AGMO: variants seen among roughly 807,000 people sequenced by gnomAD.
The protein encoded by AGMO is glyceryl-ether monooxygenase.
In AGMO, 75 loss-of-function variants were observed where a neutral mutation model predicts 60.2. The observed-to-expected ratio is 1.25, with a 90% confidence interval of 1.03 to 1.51. AGMO has a LOEUF of 1.51. Ranked by LOEUF, AGMO falls within the 40% of genes most tolerant of loss-of-function variation. The pLI, the probability that AGMO is intolerant of heterozygous loss-of-function variation, is 0.00. For missense variants in AGMO, 763 were observed against 525.5 expected (o/e 1.45, Z -4.42); for synonymous variants, 261 against 177.1 (o/e 1.47, Z -3.76).
At chr7:15,395,730 A>T (rs1784348182) in intron 5 of AGMO, among the ~76,000 whole-genome samples, 1 of 152,194 alleles carries the variant, frequency 6.6e-6, no homozygotes, top group East Asian at 1.9e-4. Flanking sequence ...TTAAAAATTT[A>T]AACTGCTAGT....
Position 15,406,348 on chromosome 7 carries a change from GTATA to G in AGMO, c.610-12173_610-12170del, listed in dbSNP as rs750623933. On this transcript the variant is annotated intron_variant, in intron 5 of 12. Coordinates refer to ENST00000342526, the MANE Select transcript of AGMO (RefSeq NM_001004320.2). ...ATATATGGAATATACATATATATGT[GTATA>G]TATATGTATATACACACATACATAT... Among the ~76,000 whole-genome samples the G allele has an allele frequency of 2.1e-5, 3 of 141,818 alleles. No homozygotes were observed. The South Asian group carries it at 6.6e-4, about 31-fold the overall frequency. 93.0% of individuals were successfully genotyped at this position (141,818 alleles called of 152,430 possible).
At chr7:15,396,977 C>T (rs1784414595) in intron 5 of AGMO, among the ~76,000 whole-genome samples, 1 of 152,100 alleles carries the variant, frequency 6.6e-6, no homozygotes, top group Non-Finnish European at 1.5e-5. Flanking sequence ...ATTTACAAAC[C>T]TTTAACTAGA....
At chr7:15,269,896 A>C (rs1490808837) in intron 12 of AGMO, among the ~76,000 whole-genome samples, 1 of 152,104 alleles carries the variant, frequency 6.6e-6, no homozygotes, top group African/African-American at 2.4e-5. Flanking sequence ...CTCACTAAGG[A>C]TAAGGGCCTC....
intron 3 of AGMO, among the ~76,000 whole-genome samples, chr7:15,520,109 A>G (rs1001234752): frequency 7.2e-5 from 11 of 152,302 alleles, no homozygotes; most frequent in Admixed American, 6.5e-5. Context: ...GAAGGGCATC[A>G]TATAATGGTA....
In AGMO at chr7:15,387,487, G is replaced by A. The variant is rs1243206952; in HGVS notation, c.876C>T (p.Phe292=). The A allele has an allele frequency of 6.2e-7, 1 of 1,613,860 alleles. No homozygotes were observed. Among genetic ancestry groups the A allele is most frequent in the Admixed American group, 1.7e-5 (1 of 60,010 alleles). ...WTTFWATPGF[F]NKFSVIFKGP... Reference sequence around the variant, plus strand: ...CCTTAAATATGACAGAAAACTTATTGAAGAATCCAGGTGTGGCCCAGAATG... The same window carrying A: ...CCTTAAATATGACAGAAAACTTATTAAAGAATCCAGGTGTGGCCCAGAATG... The change falls in exon 9 of 13, where the codon TTC becomes TTT. Residue 292 remains phenylalanine (F), a synonymous_variant. Transcript: ENST00000342526.
At chr7:15,390,130 A>G (rs554460144) in intron 8 of AGMO, among the ~76,000 whole-genome samples, 19 of 152,254 alleles carry the variant, frequency 1.2e-4, no homozygotes, top group African/African-American at 4.6e-4. Context: ...TCTAGTGCCA[A>G]CCATCGAGAC....
intron 3 of AGMO, among the ~76,000 whole-genome samples, chr7:15,513,026 C>T (rs1007221713): frequency 1.3e-5 from 2 of 152,108 alleles, no homozygotes; most frequent in Admixed American, 6.6e-5. Flanking sequence ...AATCTAATTA[C>T]TTGTGAGATT....
chr7:15,117,957 T>C, the AGMO span, among the ~76,000 whole-genome samples: 5 of 152,092 alleles, frequency 3.3e-5, no homozygotes, highest in South Asian at 1.0e-3. Flanking sequence ...GATGAAACCA[T>C]ATTTCACCCA....
At chr7:15,405,995 G>C (rs1298344391) in intron 5 of AGMO, among the ~76,000 whole-genome samples, 1 of 151,796 alleles carries the variant, frequency 6.6e-6, no homozygotes. Context: ...GTGTCTAAGA[G>C]CTTAAATTCC....
intron 12 of AGMO, among the ~76,000 whole-genome samples, chr7:15,274,925 G>C (rs990403922): frequency 1.3e-5 from 2 of 151,268 alleles, no homozygotes; most frequent in Non-Finnish European, 3.0e-5. Context: ...GATTATACTT[G>C]AATCTTCTGT....
intron 5 of AGMO, among the ~76,000 whole-genome samples, chr7:15,412,644 G>A (rs150821764): frequency 2.0e-5 from 3 of 147,578 alleles, no homozygotes; most frequent in Admixed American, 6.8e-5. Context: ...ATCCTGCCAC[G>A]TGAGAGGGGC....
chr7:15,163,800 C>T, the AGMO span, among the ~76,000 whole-genome samples: 2 of 151,582 alleles, frequency 1.3e-5, no homozygotes, highest in African/African-American at 4.8e-5. Context: ...ATTGTTGTGC[C>T]CTTGCCTGAT....
chr7:15,366,602 T>C (rs191398399), intron 10 of AGMO, among the ~76,000 whole-genome samples: 1 of 152,202 alleles, frequency 6.6e-6, no homozygotes, highest in East Asian at 1.9e-4. Flanking sequence ...ACAAAATCTT[T>C]GTGGTTTCAA....
intron 4 of AGMO, among the ~76,000 whole-genome samples, chr7:15,422,099 G>C (rs1490095332): frequency 6.6e-6 from 1 of 152,004 alleles, no homozygotes; most frequent in African/African-American, 2.4e-5. Context: ...CAGAACAGTA[G>C]GCCTAGAATG....
chr7:15,217,355 CTCTCTCTCTGTGTGTG>C (rs929505875), intron 12 of AGMO, among the ~76,000 whole-genome samples: 2 of 144,250 alleles, frequency 1.4e-5, no homozygotes, highest in Non-Finnish European at 3.1e-5. Context: ...CATAATCTCT[CTCTCTCTCTGTGTGTG>C]TCTCTCTCTC....
chr7:15,516,000 T>A (rs1013473412), intron 3 of AGMO, among the ~76,000 whole-genome samples: 1 of 152,100 alleles, frequency 6.6e-6, no homozygotes, highest in African/African-American at 2.4e-5. Context: ...ACAAAAATAA[T>A]AAGTATGTGA....
chr7:15,452,734 T>C (rs75174414), intron 3 of AGMO, among the ~76,000 whole-genome samples: 2 of 152,292 alleles, frequency 1.3e-5, no homozygotes, highest in South Asian at 2.1e-4. Context: ...TTTAGGTATA[T>C]AGTCAAGAAA....
chr7:15,137,824 A>G, the AGMO span, among the ~76,000 whole-genome samples: 3 of 152,148 alleles, frequency 2.0e-5, no homozygotes, highest in Non-Finnish European at 4.4e-5. Context: ...CATTTAAAAG[A>G]GCAGAATCAT....
intron 3 of AGMO, among the ~76,000 whole-genome samples, chr7:15,453,887 T>C (rs1781922442): frequency 6.6e-6 from 1 of 150,878 alleles, no homozygotes; most frequent in East Asian, 1.9e-4. Flanking sequence ...GTTTTTAAAA[T>C]ATATATTTTT....
Sources: gnomAD v4.1 joint callset for allele counts (sites outside exome capture counted in the v4.1 genomes callset) on GRCh38, gnomAD v4.1.1 for gene constraint, MANE v1.5 for transcripts, NCBI Gene and HGNC (gene_info 2026-07-23, HGNC 2026-07-21) for gene names.